CDH13: variants seen among roughly 807,000 people sequenced by gnomAD.
CDH13 encodes cadherin-13.
A neutral mutation model predicts 63.8 loss-of-function variants in CDH13; 24 were observed. The ratio of observed to expected loss-of-function variants is 0.38; its 90% CI spans 0.27 to 0.53. The LOEUF is 0.53. CDH13 is among the 20% of genes least tolerant of loss of function. The pLI is 0.85. For synonymous variants in CDH13, 503 were observed against 355.3 expected (o/e 1.42, Z -4.67); for missense variants, 1,049 against 903.1 (o/e 1.16, Z -2.07).
intron 5 of CDH13, among the ~76,000 whole-genome samples, chr16:83,254,914 C>G (rs74031915): frequency 0.074 from 9,519 of 129,482 alleles, 988 homozygotes; most frequent in African/African-American, 0.24. Flanking sequence ...TGTCTAAAAA[C>G]AAGAGACAAG....
At chr16:83,402,161 T>TATTGTTGTTATTATC (rs2091978482) in intron 6 of CDH13, among the ~76,000 whole-genome samples, 2 of 152,142 alleles carry the variant, frequency 1.3e-5, no homozygotes, top group African/African-American at 4.8e-5. Context: ...CTAGTATTAT[T>TATTGTTGTTATTATC]ATTATTGTTG....
chr16:83,673,492 C>G (rs1598451678), intron 9 of CDH13, among the ~76,000 whole-genome samples: 1 of 152,100 alleles, frequency 6.6e-6, no homozygotes, highest in Non-Finnish European at 1.5e-5. Context: ...ACATGTTACC[C>G]TTAAATTAAG....
At chr16:83,202,818 T>C (rs1385396439) in intron 4 of CDH13, among the ~76,000 whole-genome samples, 1 of 152,200 alleles carries the variant, frequency 6.6e-6, no homozygotes, top group Admixed American at 6.5e-5. Flanking sequence ...AATAAGTGCG[T>C]AAATATTTGG....
chr16:83,242,828 A>G (rs1234183545), intron 5 of CDH13, among the ~76,000 whole-genome samples: 1 of 152,236 alleles, frequency 6.6e-6, no homozygotes. Context: ...GGAGACAGAC[A>G]TATCAGTCAC....
chr16:82,790,975 C>A (rs1279017266), intron 1 of CDH13, among the ~76,000 whole-genome samples: 2 of 152,134 alleles, frequency 1.3e-5, no homozygotes, highest in African/African-American at 4.8e-5. Context: ...TGGTGGCTCA[C>A]GCCTGTAATC....
intron 8 of CDH13, among the ~76,000 whole-genome samples, chr16:83,659,061 G>A (rs1444691817): frequency 7.0e-6 from 1 of 142,904 alleles, no homozygotes; most frequent in African/African-American, 2.7e-5. Context: ...TCACCACCAG[G>A]TCCCATATCC....
chr16:82,761,494 T>G (rs76737866), intron 1 of CDH13, among the ~76,000 whole-genome samples: 4,130 of 152,314 alleles, frequency 0.027, 81 homozygotes, highest in Middle Eastern at 0.051. Context: ...TTCATGTTCT[T>G]TCTACCTCAG....
At chr16:83,288,204 C>T (rs2089371315) in intron 5 of CDH13, among the ~76,000 whole-genome samples, 1 of 152,186 alleles carries the variant, frequency 6.6e-6, no homozygotes, top group Admixed American at 6.5e-5. Flanking sequence ...GCAAGCTCCT[C>T]ACTCATCTCC....
chr16:83,464,255 G>A (rs2073252873), intron 6 of CDH13, among the ~76,000 whole-genome samples: 1 of 152,098 alleles, frequency 6.6e-6, no homozygotes, highest in African/African-American at 2.4e-5. Context: ...GCTCACGCCT[G>A]TAATCCCAGC....
chr16:82,847,312 G>A (rs1424427999), intron 1 of CDH13, among the ~76,000 whole-genome samples: 1 of 152,150 alleles, frequency 6.6e-6, no homozygotes, highest in Non-Finnish European at 1.5e-5. Context: ...GGGCTTCACT[G>A]GACTAAAATC....
At chr16:83,365,859 A>G (rs898326096) in intron 6 of CDH13, among the ~76,000 whole-genome samples, 1 of 152,112 alleles carries the variant, frequency 6.6e-6, no homozygotes, top group Non-Finnish European at 1.5e-5. Flanking sequence ...AAATAAATCC[A>G]TTCTGCCAGC....
rs1473751989 is a variant in CDH13, at chr16:83,345,012, T to G, written c.781+6T>G. The G allele has an allele frequency of 6.2e-7, 1 of 1,613,520 alleles. No homozygotes were observed. Among genetic ancestry groups the G allele is most frequent in the South Asian group, 1.1e-5 (1 of 90,998 alleles). On this transcript the variant is annotated splice_donor_region_variant and intron_variant, in intron 6 of 13. Coordinates refer to ENST00000567109, the MANE Select transcript of CDH13 (RefSeq NM_001257.5). ...CATGGAAGGGTCACCCACAGGTATG[T>G]CACATTGGCTTACCTTTAGCGTAAT...
At chr16:83,558,513 T>C (rs1332637053) in intron 7 of CDH13, among the ~76,000 whole-genome samples, 2 of 152,214 alleles carry the variant, frequency 1.3e-5, no homozygotes, top group Non-Finnish European at 2.9e-5. Flanking sequence ...TGTCACTGCC[T>C]TAGAATAAGC....
chr16:83,216,137 C>T (rs1022318830), intron 4 of CDH13, among the ~76,000 whole-genome samples: 3 of 151,900 alleles, frequency 2.0e-5, no homozygotes, highest in African/African-American at 4.8e-5. Context: ...TGGAACTACT[C>T]TCCTCCACCT....
intron 10 of CDH13, among the ~76,000 whole-genome samples, chr16:83,736,363 G>A (rs1378284666): frequency 6.6e-6 from 1 of 152,092 alleles, no homozygotes; most frequent in East Asian, 1.9e-4. Flanking sequence ...TAAGGTCCTA[G>A]TCTCTCAATG....
chr16:83,786,800 C>A (rs377386114), intron 13 of CDH13, among the ~76,000 whole-genome samples: 4 of 152,102 alleles, frequency 2.6e-5, no homozygotes, highest in Non-Finnish European at 5.9e-5. Flanking sequence ...GTTGTCCAGG[C>A]TGGTCTCAAA....
chr16:83,240,524 G>A (rs529302371), intron 5 of CDH13, among the ~76,000 whole-genome samples: 8 of 152,068 alleles, frequency 5.3e-5, no homozygotes, highest in Non-Finnish European at 1.2e-4. Context: ...CCATGGCCAA[G>A]GTGGAGGTGA....
chr16:82,668,218 C>A (rs1231803014), intron 1 of CDH13, among the ~76,000 whole-genome samples: 1 of 152,102 alleles, frequency 6.6e-6, no homozygotes, highest in Non-Finnish European at 1.5e-5. Flanking sequence ...GCACCTAAGA[C>A]TTTGGTTGTT....
intron 7 of CDH13, among the ~76,000 whole-genome samples, chr16:83,594,373 G>T (rs1356365818): frequency 2.6e-5 from 4 of 152,116 alleles, no homozygotes; most frequent in African/African-American, 9.7e-5. Flanking sequence ...TAAGCAACTT[G>T]GCTGGGATCA....
Sources: allele counts gnomAD v4.1 joint callset (sites outside exome capture counted in the v4.1 genomes callset), GRCh38; gene constraint gnomAD v4.1.1; transcripts MANE v1.5; gene names NCBI Gene and HGNC (gene_info 2026-07-23, HGNC 2026-07-21).